The following ZNF705G variants were observed in gnomAD, a reference collection of about 807,000 sequenced individuals.
ZNF705G encodes the protein putative zinc finger protein 705G.
A neutral mutation model predicts 19.6 loss-of-function variants in ZNF705G; 23 were observed. That is an observed-to-expected ratio of 1.17 (90% CI 0.84 to 1.66). The LOEUF is 1.66. ZNF705G is among the 40% of genes most tolerant of loss of function. The probability of loss-of-function intolerance (pLI) is 0.00; values close to 1 mark genes in which losing one functional copy is unlikely to be tolerated. For missense variants in ZNF705G, 457 were observed against 354.4 expected (o/e 1.29, Z -2.32); for synonymous variants, 146 against 117.7 (o/e 1.24, Z -1.56).
intron 2 of ZNF705G, among the ~76,000 whole-genome samples, chr8:7,369,989 A>G (rs1319007262): frequency 3.3e-5 from 5 of 149,270 alleles, no homozygotes; most frequent in Non-Finnish European, 7.4e-5. Flanking sequence ...GCATCACACA[A>G]TGTGCCAGTG....
Position 7,380,889 on chromosome 8 carries a change from T to A in ZNF705G, c.-72+563A>T, listed in dbSNP as rs1263414357. ...AAAATTAGCTGGGCATGGAGGCGCATGCCTGTAATCCCAGCTACTCTGGAG... is the reference window on the plus strand; with the variant it reads ...AAAATTAGCTGGGCATGGAGGCGCAAGCCTGTAATCCCAGCTACTCTGGAG... On this transcript the variant is annotated intron_variant, in intron 2 of 6. Coordinates refer to ENST00000400156, the MANE Select transcript of ZNF705G (RefSeq NM_001164457.3). Among the ~76,000 whole-genome samples, 6 of 141,342 alleles carry A rather than the reference T, an allele frequency of 4.2e-5. No homozygotes were observed. The East Asian group carries it at 9.9e-4, about 23-fold the overall frequency. The allele number at this position is 141,342 out of a possible 152,430, so 92.7% of individuals were successfully genotyped here. A position where few individuals can be genotyped will look rare whatever the true frequency, so the allele number is the denominator to read the frequency against.
Position 7,360,232 on chromosome 8 carries a change from C to A in ZNF705G, c.235+5G>T, listed in dbSNP as rs537763331. The A allele has an allele frequency of 1.7e-4, 269 of 1,592,118 alleles. 27 individuals carry two copies. The African/African-American group carries it at 3.3e-3, about 20-fold the overall frequency. On this transcript the variant is annotated splice_donor_5th_base_variant and intron_variant, in intron 5 of 6. Transcript: ENST00000400156. ...CCTATTAGAGCACAGGACCCTGTTG[C>A]TTACTTGGATTCTGGTCTTGAAGAA...
chr8:7,369,485 C>A (rs1807001685), intron 2 of ZNF705G, among the ~76,000 whole-genome samples: 1 of 149,674 alleles, frequency 6.7e-6, no homozygotes, highest in South Asian at 2.1e-4. Context: ...AGCTTGCACC[C>A]TGAGCCTGGA....
chr8:7,381,716 G>C (rs544231739), intron 1 of ZNF705G, 115 bp from the exon 2 acceptor site: 22 of 148,558 alleles, frequency 1.5e-4, no homozygotes, highest in African/African-American at 5.6e-4. Context: ...ACATAAATAT[G>C]GTAATTATAG....
chr8:7,380,642 T>C (rs1177579880), intron 2 of ZNF705G, among the ~76,000 whole-genome samples: 1 of 146,372 alleles, frequency 6.8e-6, no homozygotes, highest in Non-Finnish European at 1.5e-5. Flanking sequence ...AGAGTTGACC[T>C]GCTATGACTA....
rs1273104633 is a variant in ZNF705G at position 7,359,682 on chromosome 8, C to T, written c.255G>A (p.Lys85=). The T allele has an allele frequency of 2.5e-6, 4 of 1,606,636 alleles. No individual in the cohort carries two copies. The highest frequency in any genetic ancestry group is 2.8e-5 in the African/African-American group (2 of 70,850). Residue 85 remains lysine (K), a synonymous_variant, in exon 6 of 7, where the codon AAG becomes AAA. Coordinates refer to ENST00000400156, the MANE Select transcript of ZNF705G (RefSeq NM_001164457.3). ...DQNPNRESAL[K]KTHMISMHPI... Reference sequence around the variant, plus strand: ...GATGCATGGATATCATGTGTGTTTTCTTAAGGGCACTTTCCCTGTCTGAAA... The same window carrying T: ...GATGCATGGATATCATGTGTGTTTTTTTAAGGGCACTTTCCCTGTCTGAAA...
chr8:7,364,441 C>G (rs1484539153), intron 2 of ZNF705G, among the ~76,000 whole-genome samples: 1 of 149,690 alleles, frequency 6.7e-6, no homozygotes, highest in Admixed American at 6.6e-5. Context: ...ATTTAACCCT[C>G]ATAATAACCC....
At chr8:7,367,327 A>C (rs1806902308) in intron 2 of ZNF705G, among the ~76,000 whole-genome samples, 1 of 149,420 alleles carries the variant, frequency 6.7e-6, no homozygotes. Context: ...ATAATTAGGC[A>C]GCACCAGAGA....
intron 1 of ZNF705G, among the ~76,000 whole-genome samples, chr8:7,383,222 C>A (rs2128849462): frequency 6.8e-6 from 1 of 148,064 alleles, no homozygotes; most frequent in Non-Finnish European, 1.5e-5. Flanking sequence ...AACTAGGTGA[C>A]ACATTAGGGG....
intron 2 of ZNF705G, 126 bp from the exon 3 acceptor site, chr8:7,363,143 C>T: frequency 1.6e-6 from 2 of 1,236,234 alleles, no homozygotes; most frequent in South Asian, 2.6e-5. Flanking sequence ...CCAACAGACA[C>T]AAACATGCAG....
Position 7,358,162 on chromosome 8 carries a change from T to C in ZNF705G, c.717A>G (p.Gln239=), listed in dbSNP as rs750443241. The C allele has an allele frequency of 4.4e-6, 7 of 1,607,490 alleles. No homozygotes were observed. The Admixed American group carries it at 8.3e-5, about 19-fold the overall frequency. The change falls in exon 7 of 7, where the codon CAA becomes CAG. Residue 239 remains glutamine, a synonymous_variant. Transcript: ENST00000400156. ...TCTCATGTCTTTGAAGGTTAAAGGA[T>C]TGAATAAAGACTTTCCCATATTGAT... The part of the protein sequence containing the change: ...KCHQYGKVFI[Q]SFNLQRHERT...
rs756257477 is a variant in ZNF705G at position 7,360,247 on chromosome 8, G to A, written c.225C>T (p.Asp75=). The change falls in exon 5 of 7, where the codon GAC becomes GAT. Residue 75 remains aspartate, a synonymous_variant. Transcript: ENST00000400156. ...GACCCTGTTGCTTACTTGGATTCTG[G>A]TCTTGAAGAAATACTCTTCCTTCCC... ...LWREGRVFLQ[D]QNPNRESALK... is the part of the protein sequence containing the mutation. The A allele has an allele frequency of 3.8e-6, 6 of 1,592,242 alleles. No individual in the cohort carries two copies. Among genetic ancestry groups the A allele is most frequent in the Non-Finnish European group, 5.1e-6 (6 of 1,179,154 alleles).
chr8:7,360,616 T>C (rs1490403701), intron 4 of ZNF705G, among the ~76,000 whole-genome samples: 1 of 149,394 alleles, frequency 6.7e-6, no homozygotes, highest in Non-Finnish European at 1.5e-5. Context: ...ATACACAATC[T>C]TTTCAGAAAG....
rs1289595630 is a variant in ZNF705G, at chr8:7,357,756, A to T, written c.*220T>A. On this transcript the variant is annotated 3_prime_UTR_variant, in exon 7 of 7. Coordinates refer to ENST00000400156, the MANE Select transcript of ZNF705G (RefSeq NM_001164457.3). ...TTCTTCAAAATGTGAGTCCTTTGGCATGTTTAGATGCTACAACTACAGCTG... is the reference window on the plus strand; with the variant it reads ...TTCTTCAAAATGTGAGTCCTTTGGCTTGTTTAGATGCTACAACTACAGCTG... 2.5e-6 allele frequency: 2 copies of T among 797,856 alleles called. No homozygotes were observed. The highest frequency in any genetic ancestry group is 3.8e-6 in the Non-Finnish European group (2 of 528,490). 49.4% of individuals were successfully genotyped at this position (797,856 alleles called of 1,614,324 possible). A position where few individuals can be genotyped will look rare whatever the true frequency, so the allele number is the denominator to read the frequency against.
rs932190419 is a variant in ZNF705G at position 7,385,539 on chromosome 8, A to G, written c.-263T>C. The G allele has an allele frequency of 9.5e-5, 14 of 147,996 alleles. No individual in the cohort carries two copies. The highest frequency in any genetic ancestry group is 8.6e-4 in the Admixed American group (13 of 15,110). The allele number at this position is 147,996 out of a possible 1,614,324, so 9.2% of individuals were successfully genotyped here. On this transcript the variant is annotated 5_prime_UTR_variant, in exon 1 of 7. Coordinates refer to ENST00000400156, the MANE Select transcript of ZNF705G (RefSeq NM_001164457.3). The stretch of plus-strand genomic sequence containing the variant: ...CCACCCTCCACAGGCTGTGTGCTGT[A>G]TGTCCCTTGGGACAAGGACACCTGA...
chr8:7,382,235 G>T (rs1285678592), intron 1 of ZNF705G, among the ~76,000 whole-genome samples: 1 of 149,744 alleles, frequency 6.7e-6, no homozygotes, highest in East Asian at 1.9e-4. Flanking sequence ...GAAAAAGCTT[G>T]CATTCCTGAT....
At chr8:7,364,660 C>A (rs1370114195) in intron 2 of ZNF705G, among the ~76,000 whole-genome samples, 1 of 149,680 alleles carries the variant, frequency 6.7e-6, no homozygotes, top group African/African-American at 2.6e-5. Context: ...AGGTCCCAAA[C>A]ATCATTGTGT....
At position 7,355,823 on chromosome 8, in the gene ZNF705G, C is replaced by G. The variant is rs1368907798; in HGVS notation, c.*2153G>C. ...CAATAAATAATGATATGAGCTCTGC[C>G]TGGACACAGTCCTTGCCTCTCCAAC... is the stretch of plus-strand genomic sequence containing the variant. On this transcript the variant is annotated 3_prime_UTR_variant, in exon 7 of 7. Transcript: ENST00000400156. The G allele has an allele frequency of 6.7e-6, 1 of 149,548 alleles. No individual in the cohort carries two copies. Among genetic ancestry groups the G allele is most frequent in the Non-Finnish European group, 1.5e-5 (1 of 68,022 alleles). 9.3% of individuals were successfully genotyped at this position (149,548 alleles called of 1,614,324 possible).
chr8:7,366,891 C>T (rs1466154269), intron 2 of ZNF705G, among the ~76,000 whole-genome samples: 2 of 149,764 alleles, frequency 1.3e-5, no homozygotes, highest in Admixed American at 1.3e-4. Flanking sequence ...GTAACTACCA[C>T]ACATATGTAG....
Sources: allele counts gnomAD v4.1 joint callset (sites outside exome capture counted in the v4.1 genomes callset), GRCh38; gene constraint gnomAD v4.1.1; transcripts MANE v1.5; gene names NCBI Gene and HGNC (gene_info 2026-07-23, HGNC 2026-07-21).